The following EIF3A variants were observed in gnomAD, a reference collection of about 807,000 sequenced individuals.
The protein encoded by EIF3A is eukaryotic translation initiation factor 3 subunit A.
Under a neutral mutation model 186.6 loss-of-function variants are expected in EIF3A, and 21 were observed. The ratio of observed to expected loss-of-function variants is 0.11; its 90% CI spans 0.08 to 0.16. The LOEUF is 0.16. Among genes scored for constraint, EIF3A ranks in the 10% least tolerant of loss-of-function variants. EIF3A has a pLI of 1.00. For synonymous variants in EIF3A, 563 were observed against 584.3 expected, an observed-to-expected ratio of 0.96 and a Z score of 0.52; for missense variants, 1,306 against 1,796.3, an observed-to-expected ratio of 0.73 and a Z score of 4.93.
intron 6 of EIF3A, 23 bp downstream of exon 6, chr10:119,069,423 T>C (rs757212806): frequency 8.9e-7 from 1 of 1,122,570 alleles, no homozygotes; most frequent in East Asian, 2.4e-5. Flanking sequence ...AATTTCAACA[T>C]TATCCAAGTA....
intron 1 of EIF3A, among the ~76,000 whole-genome samples, chr10:119,075,620 A>AG (rs1382996049): frequency 1.8e-3 from 19 of 10,526 alleles, no homozygotes; most frequent in Admixed American, 2.5e-3. Flanking sequence ...TAAAAAAAAA[A>AG]AGGGGGGGAG....
At position 119,051,187 on chromosome 10, in the gene EIF3A, C is replaced by A; in HGVS notation, c.2319+12G>T. The A allele has an allele frequency of 6.3e-7, 1 of 1,591,938 alleles. No homozygotes were observed. Among genetic ancestry groups the A allele is most frequent in the South Asian group, 1.2e-5 (1 of 86,768 alleles). On this transcript the variant is annotated intron_variant, in intron 15 of 21. Coordinates refer to ENST00000369144, the MANE Select transcript of EIF3A (RefSeq NM_003750.4). ...TCATGAATAAACATTTCCCAAAAAT[C>A]AGCAAGCTCACCTCATAAACAGACT...
intron 4 of EIF3A, among the ~76,000 whole-genome samples, chr10:119,072,426 CATTTTGGTTTT>C (rs1844091163): frequency 8.6e-6 from 1 of 116,222 alleles, no homozygotes; most frequent in Admixed American, 1.0e-4. Flanking sequence ...CTTACTCAGT[CATTTTGGTTTT>C]GTTTTGTTTT....
intron 14 of EIF3A, 68 bp from the exon 15 acceptor site, chr10:119,051,389 G>C: frequency 6.9e-7 from 1 of 1,441,018 alleles, no homozygotes; most frequent in South Asian, 1.4e-5. Flanking sequence ...AAATTACTGA[G>C]AAATACTCTT....
chr10:119,057,846 C>T, intron 12 of EIF3A, 110 bp downstream of exon 12: 1 of 827,584 alleles, frequency 1.2e-6, no homozygotes, highest in Non-Finnish European at 1.9e-6. Flanking sequence ...CCAGCTGTAC[C>T]AAAATGCATG....
At chr10:119,073,335 G>T in intron 3 of EIF3A, 106 bp downstream of exon 3, 1 of 898,644 alleles carries the variant, frequency 1.1e-6, no homozygotes, top group Non-Finnish European at 1.7e-6. Flanking sequence ...TCAAAGATTT[G>T]CATTTTTTTC....
Position 119,072,772 on chromosome 10 carries a change from A to G in EIF3A, c.541+118T>C, listed in dbSNP as rs1031179187. The G allele has an allele frequency of 3.1e-5, 39 of 1,273,754 alleles. No homozygotes were observed. The African/African-American group carries it at 5.7e-4, about 19-fold the overall frequency. The allele number at this position is 1,273,754 out of a possible 1,614,324, so 78.9% of individuals were successfully genotyped here. On this transcript the variant is annotated intron_variant, in intron 4 of 21. Transcript: ENST00000369144. Reference sequence around the variant, plus strand: ...ATCCGGCCGCAGTCATTTAATACTCATGTGAATGCCAACATTTCAATAAGG... The same window carrying G: ...ATCCGGCCGCAGTCATTTAATACTCGTGTGAATGCCAACATTTCAATAAGG...
chr10:119,055,733 T>C (rs961516581), intron 14 of EIF3A, among the ~76,000 whole-genome samples: 7 of 152,054 alleles, frequency 4.6e-5, no homozygotes, highest in African/African-American at 1.2e-4. Flanking sequence ...GGTGTGCCTA[T>C]ATATAATAAA....
chr10:119,064,021 G>A (rs935657219), intron 7 of EIF3A, among the ~76,000 whole-genome samples: 1 of 152,188 alleles, frequency 6.6e-6, no homozygotes, highest in African/African-American at 2.4e-5. Context: ...GGGGGTTACA[G>A]TGAACTGAAA....
Position 119,080,614 on chromosome 10 carries a change from G to A in EIF3A, c.49+14C>T, listed in dbSNP as rs774627068. ...GGGCCGCCCCAGCCCGGCGCGCCCC[G>A]ATCAGCTACTCACCGTTGGCGCGTT... On this transcript the variant is annotated intron_variant, in intron 1 of 21. Coordinates refer to ENST00000369144, the MANE Select transcript of EIF3A (RefSeq NM_003750.4). The A allele has an allele frequency of 5.1e-6, 8 of 1,579,596 alleles. No homozygotes were observed. The African/African-American group carries it at 1.1e-4, about 22-fold the overall frequency.
chr10:119,073,662 A>G, intron 2 of EIF3A, 85 bp from the exon 3 acceptor site: 10 of 1,567,994 alleles, frequency 6.4e-6, no homozygotes, highest in South Asian at 1.2e-5. Context: ...TAAGAGAAAT[A>G]CAATATATTC....
chr10:119,037,907 A>ATTTTTTTTTT (rs575308953), intron 20 of EIF3A, among the ~76,000 whole-genome samples: 4 of 93,104 alleles, frequency 4.3e-5, no homozygotes, highest in African/African-American at 4.4e-5. Flanking sequence ...TTAAGAGGGA[A>ATTTTTTTTTT]TTTTTTTTTT....
Position 119,058,154 on chromosome 10 carries a change from T to A in EIF3A, c.1779A>T (p.Glu593Asp). 6.2e-7 allele frequency: 1 copy of A among 1,614,144 alleles called. No homozygotes were observed. The highest frequency in any genetic ancestry group is 1.6e-4 in the Middle Eastern group (1 of 6,062). ...ESLNIQREKE[E>D]LEQREAELQK... is the part of the protein sequence containing the mutation. ...GGAGTTCAGCTTCCCTCTGTTCCAA[T>A]TCTTCTTTCTCACGCTGAATATTCA... is the stretch of plus-strand genomic sequence containing the variant. Residue 593 changes from glutamate (E) to aspartate (D), a missense_variant, in exon 12 of 22, where the codon GAA becomes GAT. Glu to Asp is a conservative substitution (Grantham distance 45). This residue lies in a region of EIF3A where 94 missense variants were observed against 204.9 expected (regional missense o/e 0.46). Coordinates refer to ENST00000369144, the MANE Select transcript of EIF3A (RefSeq NM_003750.4).
chr10:119,036,372 T>C, intron 21 of EIF3A, 104 bp from the exon 22 acceptor site: 1 of 697,452 alleles, frequency 1.4e-6, no homozygotes, highest in Non-Finnish European at 2.4e-6. Context: ...CAGAAATCAT[T>C]GTTAAATACA....
chr10:119,060,003 T>C (rs775947563), intron 9 of EIF3A: 3 of 517,964 alleles, frequency 5.8e-6, no homozygotes, highest in Non-Finnish European at 3.6e-6. Context: ...AAACACTTCT[T>C]ATAGAATTTT....
rs1848138713 is a variant in EIF3A, at chr10:119,037,059, A to ACCC, written c.3919+59_3919+60insGGG. ...TTTATGATATAATTAAATAACCCAA[A>ACCC]TCCCCCCCCCCCCAGAAACGACAGT... On this transcript the variant is annotated intron_variant, in intron 21 of 21. Coordinates refer to ENST00000369144, the MANE Select transcript of EIF3A (RefSeq NM_003750.4). The ACCC allele has an allele frequency of 9.0e-6, 6 of 664,290 alleles. No homozygotes were observed. In the African/African-American group the frequency reaches 1.2e-4, roughly 14 times the overall value. 41.1% of individuals were successfully genotyped at this position (664,290 alleles called of 1,614,324 possible).
chr10:119,066,286 A>T (rs899164481), intron 6 of EIF3A, among the ~76,000 whole-genome samples: 1 of 151,884 alleles, frequency 6.6e-6, no homozygotes, highest in Non-Finnish European at 1.5e-5. Flanking sequence ...AAGCAGACGG[A>T]TCACCTGAGG....
chr10:119,067,078 T>TG (rs1407887302), intron 6 of EIF3A, among the ~76,000 whole-genome samples: 3 of 151,990 alleles, frequency 2.0e-5, no homozygotes, highest in African/African-American at 7.2e-5. Flanking sequence ...TAGCCAGGCG[T>TG]GGTGGCGCAC....
intron 4 of EIF3A, among the ~76,000 whole-genome samples, chr10:119,071,381 C>A (rs755095393): frequency 2.6e-5 from 4 of 152,000 alleles, no homozygotes; most frequent in Non-Finnish European, 5.9e-5. Context: ...CAAAGACCCA[C>A]CACTTTAAAT....
Sources: allele counts gnomAD v4.1 joint callset (sites outside exome capture counted in the v4.1 genomes callset), GRCh38; gene constraint gnomAD v4.1.1; regional missense constraint gnomAD v4.1.1; transcripts MANE v1.5; gene names NCBI Gene and HGNC (gene_info 2026-07-23, HGNC 2026-07-21).